The following ATG7 variants were observed in gnomAD, a reference collection of about 807,000 sequenced individuals.
ATG7 encodes ubiquitin-like modifier-activating enzyme ATG7.
A neutral mutation model predicts 82.4 loss-of-function variants in ATG7; 70 were observed. The ratio of observed to expected loss-of-function variants is 0.85; its 90% confidence interval spans 0.70 to 1.04. ATG7 has a LOEUF of 1.04. Among genes scored for constraint, ATG7 ranks in the 50% least tolerant of loss-of-function variants. The pLI is 0.00. For missense variants in ATG7, 792 were observed against 864.3 expected (o/e 0.92, Z 1.05); for synonymous variants, 287 against 313.0 (o/e 0.92, Z 0.88).
At chr3:11,412,141 G>C (rs998294435) in intron 19 of ATG7, among the ~76,000 whole-genome samples, 8 of 151,980 alleles carry the variant, frequency 5.3e-5, no homozygotes, top group Admixed American at 4.6e-4. Flanking sequence ...CTCCCTGACT[G>C]ACTAAAACTA....
At chr3:11,410,252 C>T (rs757580581) in intron 19 of ATG7, among the ~76,000 whole-genome samples, 1 of 152,104 alleles carries the variant, frequency 6.6e-6, no homozygotes, top group African/African-American at 2.4e-5. Context: ...CAGTAGTTCT[C>T]CATATGTACA....
At chr3:11,327,980 C>T (rs1951111216) in intron 9 of ATG7, among the ~76,000 whole-genome samples, 1 of 152,176 alleles carries the variant, frequency 6.6e-6, no homozygotes, top group African/African-American at 2.4e-5. Flanking sequence ...AGGGCCAATC[C>T]AGAGTTTTCA....
chr3:11,427,402 A>G (rs998654377), intron 20 of ATG7, among the ~76,000 whole-genome samples: 4 of 151,888 alleles, frequency 2.6e-5, no homozygotes, highest in Non-Finnish European at 5.9e-5. Flanking sequence ...CCACCATGAA[A>G]TGGCTTCCCC....
At chr3:11,565,171 C>G in the ATG7 span, 1 of 771,756 alleles carries the variant, frequency 1.3e-6, no homozygotes, top group Non-Finnish European at 1.8e-6. The surrounding 1 kb of genome is among the most constrained non-coding windows in gnomAD (Gnocchi z 4.1). Context: ...CGGTTGCCAG[C>G]CCGGGTCAGC....
At chr3:11,572,451 C>T in the ATG7 span, among the ~76,000 whole-genome samples, 7 of 152,312 alleles carry the variant, frequency 4.6e-5, no homozygotes, top group South Asian at 2.1e-4. Context: ...ATATTTGCTT[C>T]GGGCCTTTTC....
intron 20 of ATG7, among the ~76,000 whole-genome samples, chr3:11,544,992 G>T (rs954741267): frequency 6.6e-6 from 1 of 152,334 alleles, no homozygotes; most frequent in East Asian, 1.9e-4. Flanking sequence ...TGAGAATAAG[G>T]TAGGCCAGCA....
At position 11,300,546 on chromosome 3, in the gene ATG7, G is replaced by C. The variant is rs575544871; in HGVS notation, c.215+1130G>C. Among the ~76,000 whole-genome samples, 20 of 152,354 alleles carry C rather than the reference G, an allele frequency of 1.3e-4. No individual in the cohort carries two copies. The South Asian group carries it at 4.1e-3, about 32-fold the overall frequency. ...TTGGTTTAGAATATGTTGAGTTTGA[G>C]ATGACAGTGTCTGCTAGAAATGTCC... On this transcript the variant is annotated intron_variant, in intron 5 of 20. Transcript: ENST00000693202.
chr3:11,430,973 G>C (rs994456965), intron 20 of ATG7, among the ~76,000 whole-genome samples: 1 of 152,206 alleles, frequency 6.6e-6, no homozygotes, highest in African/African-American at 2.4e-5. Context: ...CTGAATAAAG[G>C]TCTCCGAGGC....
chr3:11,412,902 A>G (rs2081044368), intron 19 of ATG7, among the ~76,000 whole-genome samples: 1 of 152,086 alleles, frequency 6.6e-6, no homozygotes. Flanking sequence ...TTTTTATTGT[A>G]TAAGTCTTTC....
chr3:11,497,357 C>CTATATATATATG lies in ATG7; in HGVS notation c.2080-57443_2080-57442insGTATATATATAT, dbSNP rs1281826628. Among the ~76,000 whole-genome samples the CTATATATATATG allele has an allele frequency of 3.2e-3, 185 of 57,318 alleles. 8 individuals carry two copies. Among genetic ancestry groups the CTATATATATATG allele is most frequent in the African/African-American group, 0.012 (176 of 14,990 alleles). The allele number at this position is 57,318 out of a possible 152,430, so 37.6% of individuals were successfully genotyped here. A position where few individuals can be genotyped will look rare whatever the true frequency, so the allele number is the denominator to read the frequency against. ...TGAAACCCCGTCTGTACTAAAAATACTATATATATATATATATATATATAT... is the reference window on the plus strand; with the variant it reads ...TGAAACCCCGTCTGTACTAAAAATACTATATATATATGTATATATATATATATATATATATAT... On this transcript the variant is annotated intron_variant, in intron 20 of 20. Coordinates refer to ENST00000693202, the MANE Select transcript of ATG7 (RefSeq NM_001349232.2).
chr3:11,532,291 C>T (rs2092708095), intron 20 of ATG7, among the ~76,000 whole-genome samples: 1 of 152,186 alleles, frequency 6.6e-6, no homozygotes, highest in African/African-American at 2.4e-5. Flanking sequence ...GGAGCCGGCA[C>T]ACATCATCTG....
intron 20 of ATG7, among the ~76,000 whole-genome samples, chr3:11,516,274 C>T (rs1183792127): frequency 1.3e-5 from 2 of 151,754 alleles, no homozygotes; most frequent in African/African-American, 4.8e-5. Context: ...CAACATGGCA[C>T]ATGTATACAT....
chr3:11,548,680 G>A (rs1165565301), intron 20 of ATG7, among the ~76,000 whole-genome samples: 1 of 152,152 alleles, frequency 6.6e-6, no homozygotes, highest in Non-Finnish European at 1.5e-5. Flanking sequence ...TCCCGGAACT[G>A]AGCCCCCGTA....
At chr3:11,409,789 T>C (rs1431562025) in intron 19 of ATG7, among the ~76,000 whole-genome samples, 2 of 151,266 alleles carry the variant, frequency 1.3e-5, no homozygotes, top group African/African-American at 4.9e-5. Context: ...TTTTTTTTTT[T>C]CCATGTGGTT....
chr3:11,419,327 T>A (rs1397253626), intron 19 of ATG7, among the ~76,000 whole-genome samples: 1 of 151,992 alleles, frequency 6.6e-6, no homozygotes, highest in African/African-American at 2.4e-5. Flanking sequence ...CCGAGGTGGG[T>A]GGATCGCTTG....
At position 11,275,418 on chromosome 3, in the gene ATG7, G is replaced by A. The variant is rs189021450; in HGVS notation, c.-366+2988G>A. Among the ~76,000 whole-genome samples, 166 of 149,222 alleles carry A rather than the reference G, an allele frequency of 1.1e-3. 1 individual carries two copies. The Middle Eastern group carries it at 0.014, about 12-fold the overall frequency. Reference sequence around the variant, plus strand: ...GGCTGGAGTGCAGTGGCACGATCTCGGCTCACTGCAAGCTCTGCCTCCTGG... The same window carrying A: ...GGCTGGAGTGCAGTGGCACGATCTCAGCTCACTGCAAGCTCTGCCTCCTGG... On this transcript the variant is annotated intron_variant, in intron 1 of 20. Transcript: ENST00000693202.
At chr3:11,320,986 C>T (rs141713010) in intron 9 of ATG7, among the ~76,000 whole-genome samples, 3 of 152,298 alleles carry the variant, frequency 2.0e-5, no homozygotes, top group East Asian at 3.9e-4. Context: ...TGGTTACTGG[C>T]GTGACAGGAG....
Position 11,342,191 on chromosome 3 carries a change from C to G in ATG7, c.1037C>G (p.Pro346Arg). 2 of 1,613,446 alleles carry G rather than the reference C, an allele frequency of 1.2e-6. No homozygotes were observed. The highest frequency in any genetic ancestry group is 2.7e-5 in the African/African-American group (2 of 74,974). ...AAACTGATGTGTTGGAGATTGGTTCCTACTTTAGACTTGGACAAGGTTGTG... is the reference window on the plus strand; with the variant it reads ...AAACTGATGTGTTGGAGATTGGTTCGTACTTTAGACTTGGACAAGGTTGTG... ...NLKLMCWRLV[P>R]TLDLDKVVSV... The change falls in exon 13 of 21, where the codon CCT becomes CGT. Residue 346 changes from proline (P) to arginine (R), a missense_variant. Physicochemically the swap from Pro to Arg is moderately radical, Grantham distance 103 (BLOSUM62 -2). Transcript: ENST00000693202.
At chr3:11,517,220 A>G (rs1178982658) in intron 20 of ATG7, among the ~76,000 whole-genome samples, 2 of 152,138 alleles carry the variant, frequency 1.3e-5, no homozygotes, top group African/African-American at 4.8e-5. Flanking sequence ...GCATGCCTGT[A>G]ATCCCAGCTA....
Sources: allele counts gnomAD v4.1 joint callset (sites outside exome capture counted in the v4.1 genomes callset), GRCh38; gene constraint gnomAD v4.1.1; non-coding constraint Gnocchi (gnomAD v3.1); transcripts MANE v1.5; gene names NCBI Gene and HGNC (gene_info 2026-07-23, HGNC 2026-07-21).